STK32B: variants seen among roughly 807,000 people sequenced by gnomAD.
STK32B encodes serine/threonine kinase 32B, also known as serine/threonine-protein kinase 32B.
In STK32B, 43 loss-of-function variants were observed where a neutral mutation model predicts 52.6. That is an observed-to-expected ratio of 0.82 (90% CI 0.64 to 1.05). The LOEUF (loss-of-function observed/expected upper bound fraction) is 1.05, where lower values mean the gene tolerates loss of function less well. STK32B is among the 50% of genes least tolerant of loss of function. STK32B has a pLI of 0.00. For synonymous variants in STK32B, 238 were observed against 204.3 expected, an observed-to-expected ratio of 1.17 and a Z score of -1.41; for missense variants, 621 against 534.6, an observed-to-expected ratio of 1.16 and a Z score of -1.59.
At chr4:5,060,838 G>T (rs1188961031) in intron 1 of STK32B, among the ~76,000 whole-genome samples, 1 of 151,986 alleles carries the variant, frequency 6.6e-6, no homozygotes, top group Non-Finnish European at 1.5e-5. Context: ...ATGATTTATT[G>T]TCTTTTGCCC....
At chr4:5,393,655 C>T (rs1736713669) in intron 4 of STK32B, among the ~76,000 whole-genome samples, 1 of 152,166 alleles carries the variant, frequency 6.6e-6, no homozygotes, top group Non-Finnish European at 1.5e-5. Context: ...AACTCACTAT[C>T]ATGACAATAG....
At chr4:5,287,365 G>A (rs901767318) in intron 3 of STK32B, among the ~76,000 whole-genome samples, 4 of 151,332 alleles carry the variant, frequency 2.6e-5, no homozygotes, top group Non-Finnish European at 2.9e-5. Flanking sequence ...CGTCTAATGA[G>A]GCTGAACACC....
intron 6 of STK32B, among the ~76,000 whole-genome samples, chr4:5,434,785 A>G (rs1022641584): frequency 2.0e-5 from 3 of 152,196 alleles, no homozygotes; most frequent in Admixed American, 6.5e-5. Flanking sequence ...TAGCTTTTCC[A>G]AGACATGAAT....
chr4:5,052,467 C>T (rs1021645424), intron 1 of STK32B, among the ~76,000 whole-genome samples: 2 of 152,102 alleles, frequency 1.3e-5, no homozygotes, highest in Non-Finnish European at 2.9e-5. Flanking sequence ...CTGTTCTGGG[C>T]AGCCTCCCCC....
intron 4 of STK32B, among the ~76,000 whole-genome samples, chr4:5,387,867 C>A (rs1736356871): frequency 6.6e-6 from 1 of 152,204 alleles, no homozygotes; most frequent in Admixed American, 6.5e-5. Flanking sequence ...GCCTCAGCCT[C>A]CCGAGTAGCC....
At chr4:5,197,297 CTG>C (rs1721757863) in intron 3 of STK32B, among the ~76,000 whole-genome samples, 1 of 152,202 alleles carries the variant, frequency 6.6e-6, no homozygotes, top group African/African-American at 2.4e-5. Flanking sequence ...CTGGGTGACT[CTG>C]TGCTAACTTG....
At chr4:5,322,845 A>G (rs868020291) in intron 3 of STK32B, among the ~76,000 whole-genome samples, 1 of 152,198 alleles carries the variant, frequency 6.6e-6, no homozygotes, top group South Asian at 2.1e-4. Flanking sequence ...CCCCAGCAAC[A>G]GGCACTGCCT....
intron 3 of STK32B, among the ~76,000 whole-genome samples, chr4:5,178,384 A>C (rs1165466045): frequency 1.3e-5 from 2 of 152,144 alleles, no homozygotes; most frequent in Non-Finnish European, 2.9e-5. Context: ...CTGGCCCATG[A>C]AACTATTTTT....
chr4:5,370,859 G>C (rs1735179747), intron 4 of STK32B, among the ~76,000 whole-genome samples: 2 of 151,932 alleles, frequency 1.3e-5, no homozygotes, highest in African/African-American at 4.8e-5. Context: ...TGTAGTCCCA[G>C]CTACTCAGGA....
intron 3 of STK32B, among the ~76,000 whole-genome samples, chr4:5,281,078 C>A (rs1480694414): frequency 6.6e-6 from 1 of 152,058 alleles, no homozygotes; most frequent in Non-Finnish European, 1.5e-5. Flanking sequence ...CAGACACAAT[C>A]TTCATATGAC....
intron 3 of STK32B, among the ~76,000 whole-genome samples, chr4:5,189,049 C>T (rs1720976051): frequency 6.6e-6 from 1 of 151,906 alleles, no homozygotes; most frequent in Non-Finnish European, 1.5e-5. Context: ...TAAAAGTTCA[C>T]AGCAAAATTA....
Position 5,099,882 on chromosome 4 carries a change from T to C in STK32B, c.53-40023T>C, listed in dbSNP as rs147228746. 2.5e-3 allele frequency among the ~76,000 whole-genome samples: 383 copies of C among 152,186 alleles called. 2 individuals are homozygous for C. Among genetic ancestry groups the C allele is most frequent in the African/African-American group, 8.7e-3 (363 of 41,526 alleles). ...GGGTGGGCAGCCAACACCCAGCTGT[T>C]GTCCTGCAGGAACCTGAGCCAGGAG... On this transcript the variant is annotated intron_variant, in intron 1 of 11. Coordinates refer to ENST00000282908, the MANE Select transcript of STK32B (RefSeq NM_018401.3).
At chr4:5,136,906 A>T (rs1169093230) in intron 1 of STK32B, among the ~76,000 whole-genome samples, 2 of 152,208 alleles carry the variant, frequency 1.3e-5, no homozygotes, top group African/African-American at 4.8e-5. Context: ...ATCTAGTCCA[A>T]GAAGCAGACA....
intron 1 of STK32B, among the ~76,000 whole-genome samples, chr4:5,120,005 T>C (rs1463075430): frequency 6.6e-6 from 1 of 152,248 alleles, no homozygotes; most frequent in Non-Finnish European, 1.5e-5. Context: ...TGGTCTGAAA[T>C]ATTAAATGGA....
intron 3 of STK32B, among the ~76,000 whole-genome samples, chr4:5,189,204 G>A (rs1208160168): frequency 1.3e-5 from 2 of 152,130 alleles, no homozygotes; most frequent in African/African-American, 4.8e-5. Flanking sequence ...TGCTCTTGGT[G>A]TTATACATTC....
At position 5,409,841 on chromosome 4, in the gene STK32B, C is replaced by A. The variant is rs551117026; in HGVS notation, c.473-7004C>A. On this transcript the variant is annotated intron_variant, in intron 5 of 11. Transcript: ENST00000282908. ...AGGCCCTGCATTCCTACCCCACGAC[C>A]AAGGTACAGAAGGAAGCCAAATTAA... 4.6e-5 allele frequency among the ~76,000 whole-genome samples: 7 copies of A among 152,182 alleles called. No homozygotes were observed. In the East Asian group the frequency reaches 1.4e-3, roughly 29 times the overall value.
intron 1 of STK32B, among the ~76,000 whole-genome samples, chr4:5,059,259 C>T (rs577884514): frequency 5.0e-4 from 76 of 151,962 alleles, no homozygotes; most frequent in Non-Finnish European, 2.1e-4. Flanking sequence ...CCACGCCTAT[C>T]CTGACTGGTA....
At chr4:5,353,118 C>A (rs547714506) in intron 4 of STK32B, among the ~76,000 whole-genome samples, 1 of 152,178 alleles carries the variant, frequency 6.6e-6, no homozygotes, top group South Asian at 2.1e-4. Flanking sequence ...TTTAAGGTAA[C>A]TGATTTTTGA....
At chr4:5,267,748 A>G (rs1727148734) in intron 3 of STK32B, among the ~76,000 whole-genome samples, 1 of 152,196 alleles carries the variant, frequency 6.6e-6, no homozygotes, top group African/African-American at 2.4e-5. Flanking sequence ...AAGGAAACTG[A>G]AAAATGGTCC....
Sources: gnomAD v4.1 joint callset for allele counts (sites outside exome capture counted in the v4.1 genomes callset) on GRCh38, gnomAD v4.1.1 for gene constraint, MANE v1.5 for transcripts, NCBI Gene and HGNC (gene_info 2026-07-23, HGNC 2026-07-21) for gene names.